KCNC2: variants seen among roughly 807,000 people sequenced by gnomAD.
KCNC2 encodes the protein potassium voltage-gated channel subfamily C member 2, also known as voltage-gated potassium channel KCNC2.
In KCNC2, 21 loss-of-function variants were observed where a neutral mutation model predicts 44.5. The ratio of observed to expected loss-of-function variants is 0.47; its 90% CI spans 0.33 to 0.68. The LOEUF is 0.68. KCNC2 is among the 30% of genes least tolerant of loss of function. The pLI is 0.01. For synonymous variants in KCNC2, 391 were observed against 339.1 expected, an observed-to-expected ratio of 1.15 and a Z score of -1.68; for missense variants, 589 against 826.2, an observed-to-expected ratio of 0.71 and a Z score of 3.52.
At chr12:75,137,228 T>C (rs772404350) in intron 2 of KCNC2, among the ~76,000 whole-genome samples, 1 of 152,170 alleles carries the variant, frequency 6.6e-6, no homozygotes, top group Non-Finnish European at 1.5e-5. Flanking sequence ...CTTTTTGTCT[T>C]ATAAATACCA....
chr12:75,137,258 C>G (rs1889299994), intron 2 of KCNC2, among the ~76,000 whole-genome samples: 1 of 152,124 alleles, frequency 6.6e-6, no homozygotes, highest in Non-Finnish European at 1.5e-5. Flanking sequence ...GGATCTCATC[C>G]TCAGCTCTTT....
At chr12:75,095,477 C>T (rs10785173) in intron 2 of KCNC2, among the ~76,000 whole-genome samples, 127,923 of 151,770 alleles carry the variant, frequency 0.84, 54,383 homozygotes, top group Admixed American at 0.89. Context: ...GCTCCTCCAA[C>T]CTTCCTAGTG....
In KCNC2 at chr12:75,207,296, C is replaced by A; in HGVS notation, c.687+1G>T. The A allele has an allele frequency of 6.5e-7, 1 of 1,535,766 alleles. No homozygotes were observed. Among genetic ancestry groups the A allele is most frequent in the Non-Finnish European group, 8.7e-7 (1 of 1,145,808 alleles). On this transcript the variant is annotated splice_donor_variant, in intron 2 of 4. Transcript: ENST00000549446. LOFTEE classifies it high-confidence loss of function. The surrounding 1 kb of genome is among the most constrained non-coding windows in gnomAD (Gnocchi z 4.1). ...AGGGAAGGGGTCGATTCTGGCCTTACCCTGGCGGCTCTGGACGAGTAGGGG... is the reference window on the plus strand; with the variant it reads ...AGGGAAGGGGTCGATTCTGGCCTTAACCTGGCGGCTCTGGACGAGTAGGGG...
chr12:75,043,138 C>T lies in KCNC2; in HGVS notation c.1884G>A (p.Arg628=). 6.2e-7 allele frequency: 1 copy of T among 1,612,360 alleles called. No individual in the cohort carries two copies. The highest frequency in any genetic ancestry group is 8.5e-7 in the Non-Finnish European group (1 of 1,178,938). The change falls in exon 5 of 5, where the codon AGG becomes AGA. Residue 628 remains arginine (R), a synonymous_variant. Coordinates refer to ENST00000549446, the MANE Select transcript of KCNC2 (RefSeq NM_139137.4). ...TSPYNSPCPL[R]RSRSPIPSIL ...TAGATGGGATGGGAGATCGAGAGCG[C>T]CTCAGAGGACAAGGAGAGTTGTAGG...
chr12:75,062,511 T>C (rs1413300409), intron 2 of KCNC2, among the ~76,000 whole-genome samples: 1 of 152,102 alleles, frequency 6.6e-6, no homozygotes, highest in East Asian at 1.9e-4. Flanking sequence ...AAGAGAAATA[T>C]GCAAATAAGT....
At chr12:75,136,483 A>C (rs1455408843) in intron 2 of KCNC2, among the ~76,000 whole-genome samples, 1 of 152,104 alleles carries the variant, frequency 6.6e-6, no homozygotes, top group African/African-American at 2.4e-5. Flanking sequence ...GAAATGAAAA[A>C]GGAGAAATTA....
At chr12:75,151,690 T>C (rs1488010964) in intron 2 of KCNC2, among the ~76,000 whole-genome samples, 1 of 151,618 alleles carries the variant, frequency 6.6e-6, no homozygotes, top group Non-Finnish European at 1.5e-5. Flanking sequence ...ATTTGATACA[T>C]TTAAAGCAAT....
chr12:75,141,532 C>T (rs534364981), intron 2 of KCNC2, among the ~76,000 whole-genome samples: 30 of 152,264 alleles, frequency 2.0e-4, no homozygotes, highest in Admixed American at 1.5e-3. Context: ...CTCTCTAACC[C>T]ACACTGACTG....
intron 2 of KCNC2, among the ~76,000 whole-genome samples, chr12:75,155,299 T>C (rs184180214): frequency 6.6e-6 from 1 of 152,020 alleles, no homozygotes; most frequent in African/African-American, 2.4e-5. Context: ...AGCACTAGAC[T>C]ATTTAAAACC....
intron 2 of KCNC2, among the ~76,000 whole-genome samples, chr12:75,138,935 C>T (rs2471661): frequency 0.12 from 16,573 of 139,708 alleles, 1,083 homozygotes; most frequent in African/African-American, 0.17. Flanking sequence ...GAGCGGAGAT[C>T]GCGCCACTGC....
At chr12:75,191,736 G>A (rs1002387999) in intron 2 of KCNC2, among the ~76,000 whole-genome samples, 1 of 150,470 alleles carries the variant, frequency 6.6e-6, no homozygotes, top group African/African-American at 2.4e-5. Flanking sequence ...ATTTTTAGTA[G>A]AGACGGGTTT....
chr12:75,091,811 G>C (rs2137132791), intron 2 of KCNC2, among the ~76,000 whole-genome samples: 1 of 151,564 alleles, frequency 6.6e-6, no homozygotes, highest in South Asian at 2.1e-4. Context: ...AAGGATTGCA[G>C]GCAAAGATAA....
intron 2 of KCNC2, among the ~76,000 whole-genome samples, chr12:75,108,509 C>G (rs143492981): frequency 1.3e-5 from 2 of 152,298 alleles, no homozygotes; most frequent in African/African-American, 4.8e-5. Context: ...TTCTCTAATA[C>G]TGTTGCTTAA....
At chr12:75,140,323 G>T (rs1395033414) in intron 2 of KCNC2, 1 of 152,104 alleles carries the variant, frequency 6.6e-6, no homozygotes, top group Non-Finnish European at 1.5e-5. Flanking sequence ...CATTAGACAA[G>T]GAGATTACAC....
At chr12:75,150,886 T>A (rs965909171) in intron 2 of KCNC2, among the ~76,000 whole-genome samples, 5 of 151,934 alleles carry the variant, frequency 3.3e-5, no homozygotes, top group Non-Finnish European at 7.4e-5. Flanking sequence ...AAACGTAACC[T>A]TCAAAACTCT....
rs79541193 is a variant in KCNC2 at position 75,078,265 on chromosome 12, G to A, written c.688-26948C>T. On this transcript the variant is annotated intron_variant, in intron 2 of 4. Coordinates refer to ENST00000549446, the MANE Select transcript of KCNC2 (RefSeq NM_139137.4). ...GTGACAGAAGACCAGAGTGGTACTA[G>A]GAGACCAGCCCCGGTGGGACGGCAC... 3.2e-3 allele frequency among the ~76,000 whole-genome samples: 493 copies of A among 152,270 alleles called. 3 individuals carry two copies. Among genetic ancestry groups the A allele is most frequent in the African/African-American group, 0.011 (471 of 41,550 alleles).
At chr12:75,050,010 A>G (rs923642959) in intron 3 of KCNC2, among the ~76,000 whole-genome samples, 1 of 152,060 alleles carries the variant, frequency 6.6e-6, no homozygotes, top group South Asian at 2.1e-4. Flanking sequence ...ACACCAAGCC[A>G]AACGATATGG....
intron 2 of KCNC2, among the ~76,000 whole-genome samples, chr12:75,086,366 G>A (rs552277613): frequency 1.1e-3 from 160 of 152,010 alleles, no homozygotes; most frequent in South Asian, 3.5e-3. Flanking sequence ...TTTTGGCTAA[G>A]GTGCAAGAAC....
intron 2 of KCNC2, among the ~76,000 whole-genome samples, chr12:75,071,161 C>T (rs1313401115): frequency 8.5e-5 from 13 of 152,070 alleles, no homozygotes; most frequent in Admixed American, 8.5e-4. Flanking sequence ...GATAATGGAA[C>T]TCTTTATATA....
Sources: allele counts gnomAD v4.1 joint callset (sites outside exome capture counted in the v4.1 genomes callset), GRCh38; gene constraint gnomAD v4.1.1; non-coding constraint Gnocchi (gnomAD v3.1); transcripts MANE v1.5; gene names NCBI Gene and HGNC (gene_info 2026-07-23, HGNC 2026-07-21).